Variants in DEPDC7 observed in about 807,000 individuals in gnomAD.
The protein encoded by DEPDC7 is DEP domain-containing protein 7.
A neutral mutation model predicts 56.6 loss-of-function variants in DEPDC7; 41 were observed. The observed-to-expected ratio is 0.72, with a 90% CI of 0.56 to 0.94. DEPDC7 has a LOEUF of 0.94. DEPDC7 is among the 40% of genes least tolerant of loss of function. The pLI is 0.00. For synonymous variants in DEPDC7, 185 were observed against 208.8 expected (o/e 0.89, Z 0.98); for missense variants, 522 against 596.3 (o/e 0.88, Z 1.30).
In DEPDC7 at chr11:33,028,606, T is replaced by C. The variant is rs144655252; in HGVS notation, c.596T>C (p.Ile199Thr). Reference protein sequence around the residue: ...NISATLSPQVINEVWQEETIG... With the variant: ...NISATLSPQVTNEVWQEETIG... ...CCTTGTCATTTTTCCTGTGTAGTTA[T>C]TAATGAAGTGTGGCAAGAAGAAACA... The change falls in exon 4 of 9, where the codon ATT becomes ACT. Residue 199 changes from isoleucine to threonine, a missense_variant. By Grantham distance (89) the Ile-to-Thr change is moderately conservative. Coordinates refer to ENST00000241051, the MANE Select transcript of DEPDC7 (RefSeq NM_001077242.2). 16 of 1,591,584 alleles carry C rather than the reference T, an allele frequency of 1.0e-5. No individual in the cohort carries two copies. The Admixed American group carries it at 1.9e-4, about 19-fold the overall frequency.
Position 33,032,758 on chromosome 11 carries a change from C to T in DEPDC7, c.1228C>T (p.Leu410Phe), listed in dbSNP as rs1853646778. 1 of 1,606,016 alleles carries T rather than the reference C, an allele frequency of 6.2e-7. No homozygotes were observed. The highest frequency in any genetic ancestry group is 1.7e-5 in the Admixed American group (1 of 58,242). ...LSKGKTDLLV[L>F]FLMDHQKDVF... ...CAAAGGCAAAACAGATCTTCTGGTA[C>T]TCTTTTTAATGGATCATCAGAAAGA... Residue 410 changes from leucine to phenylalanine, a missense_variant, in exon 7 of 9, where the codon CTC becomes TTC. By Grantham distance (22) the Leu-to-Phe change is conservative. Coordinates refer to ENST00000241051, the MANE Select transcript of DEPDC7 (RefSeq NM_001077242.2).
In DEPDC7 at chr11:33,033,424, C is replaced by T; in HGVS notation, c.1505C>T (p.Pro502Leu). The T allele has an allele frequency of 2.5e-6, 4 of 1,598,398 alleles. No homozygotes were observed. The highest frequency in any genetic ancestry group is 3.4e-6 in the Non-Finnish European group (4 of 1,175,732). Reference sequence around the variant, plus strand: ...CTAGGTCAATTCTATAAGTGTCACCCAGACATCTTTATTGAGCATTTTGGA... The same window carrying T: ...CTAGGTCAATTCTATAAGTGTCACCTAGACATCTTTATTGAGCATTTTGGA... ...KLLGQFYKCH[P>L]DIFIEHFGD The change falls in exon 9 of 9, where the codon CCA becomes CTA. Residue 502 changes from proline to leucine, a missense_variant. Coordinates refer to ENST00000241051, the MANE Select transcript of DEPDC7 (RefSeq NM_001077242.2).
In DEPDC7 at chr11:33,028,713, C is replaced by T; in HGVS notation, c.703C>T (p.Gln235Ter). 1 of 1,614,012 alleles carries T rather than the reference C, an allele frequency of 6.2e-7. No homozygotes were observed. Among genetic ancestry groups the T allele is most frequent in the Non-Finnish European group, 8.5e-7 (1 of 1,179,986 alleles). The change falls in exon 4 of 9, where the codon CAA becomes TAA. Residue 235 changes from glutamine to a stop codon, truncating the protein, a stop_gained. Transcript: ENST00000241051. LOFTEE classifies it high-confidence loss of function. ...KQQEAVPKIPQPKRQSTMVNS... is the reference protein window; with the variant it reads ...KQQEAVPKIP ...GCAAGAGGCTGTACCTAAAATTCCT[C>T]AACCTAAGAGGCAGTCCACCATGGT...
intron 4 of DEPDC7, among the ~76,000 whole-genome samples, chr11:33,030,877 C>T (rs1400831183): frequency 6.6e-6 from 1 of 152,164 alleles, no homozygotes; most frequent in African/African-American, 2.4e-5. Flanking sequence ...AGCCACCGCA[C>T]CAGGCCTGAT....
chr11:33,032,817 T>C (rs1853647347), intron 7 of DEPDC7, 24 bp downstream of exon 7: 1 of 1,593,986 alleles, frequency 6.3e-7, no homozygotes, highest in Non-Finnish European at 8.5e-7. Context: ...AGTAGTTAAA[T>C]TGAGCTTATG....
At chr11:33,018,738 A>T (rs915682318) in intron 1 of DEPDC7, among the ~76,000 whole-genome samples, 2 of 152,158 alleles carry the variant, frequency 1.3e-5, no homozygotes, top group Admixed American at 6.6e-5. Context: ...TGATACATAT[A>T]ATTATTAACT....
intron 1 of DEPDC7, among the ~76,000 whole-genome samples, chr11:33,018,207 G>A (rs1211176274): frequency 6.6e-6 from 1 of 152,072 alleles, no homozygotes; most frequent in African/African-American, 2.4e-5. Context: ...TTGTAATCTT[G>A]GGATCATAGT....
rs1214839799 is a variant in DEPDC7, at chr11:33,016,064, GGCGGGCTGGGGTGC to G, written c.73+47_73+60del. On this transcript the variant is annotated intron_variant, in intron 1 of 8. Coordinates refer to ENST00000241051, the MANE Select transcript of DEPDC7 (RefSeq NM_001077242.2). Reference sequence around the variant, plus strand: ...AGGACTGCCGCCTGGGATGGCGCGGGGCGGGCTGGGGTGCGCGGGCTGGGTCCCGGCGCGGGGCG... The same window carrying G: ...AGGACTGCCGCCTGGGATGGCGCGGGGCGGGCTGGGTCCCGGCGCGGGGCG... 7.8e-6 allele frequency: 11 copies of G among 1,409,770 alleles called. No homozygotes were observed. The South Asian group carries it at 1.1e-4, about 14-fold the overall frequency. 87.3% of individuals were successfully genotyped at this position (1,409,770 alleles called of 1,614,324 possible). A position where few individuals can be genotyped will look rare whatever the true frequency, so the allele number is the denominator to read the frequency against.
Position 33,032,306 on chromosome 11 carries a change from T to C in DEPDC7, c.995-30T>C, listed in dbSNP as rs1853640438. 4 of 1,549,016 alleles carry C rather than the reference T, an allele frequency of 2.6e-6. No homozygotes were observed. In the South Asian group the frequency reaches 5.0e-5, roughly 19 times the overall value. ...CTTTAATATAGTCATATTTGGTCAA[T>C]TAAAAGCAGTTTTTTTCTTTTGGCT... On this transcript the variant is annotated intron_variant, in intron 5 of 8. Coordinates refer to ENST00000241051, the MANE Select transcript of DEPDC7 (RefSeq NM_001077242.2).
At chr11:33,029,418 G>A (rs569515927) in intron 4 of DEPDC7, among the ~76,000 whole-genome samples, 2 of 150,104 alleles carry the variant, frequency 1.3e-5, no homozygotes, top group South Asian at 4.3e-4. Context: ...CTTGAACTTG[G>A]GAGGCAGAGG....
At chr11:33,026,883 C>T (rs1285693672) in intron 2 of DEPDC7, among the ~76,000 whole-genome samples, 2 of 152,096 alleles carry the variant, frequency 1.3e-5, no homozygotes, top group African/African-American at 4.8e-5. Context: ...CCATCTTGTG[C>T]TCCTAAAGTG....
intron 3 of DEPDC7, chr11:33,028,317 CAG>C (rs1162096710): frequency 7.1e-6 from 2 of 279,806 alleles, no homozygotes; most frequent in Non-Finnish European, 1.3e-5. Context: ...TTCTTTCTTC[CAG>C]AGTCCTTATT....
Position 33,033,413 on chromosome 11 carries a change from T to C in DEPDC7, c.1494T>C (p.Tyr498=). Residue 498 remains tyrosine (Y), a synonymous_variant, in exon 9 of 9, where the codon TAT becomes TAC. Coordinates refer to ENST00000241051, the MANE Select transcript of DEPDC7 (RefSeq NM_001077242.2). ...KEKKKLLGQF[Y]KCHPDIFIEH... ...AGAAAAAATTGCTAGGTCAATTCTA[T>C]AAGTGTCACCCAGACATCTTTATTG... 1 of 1,608,182 alleles carries C rather than the reference T, an allele frequency of 6.2e-7. No homozygotes were observed. Among genetic ancestry groups the C allele is most frequent in the Non-Finnish European group, 8.5e-7 (1 of 1,178,344 alleles).
At chr11:33,016,141 G>T in intron 1 of DEPDC7, 113 bp downstream of exon 1, 1 of 1,235,102 alleles carries the variant, frequency 8.1e-7, no homozygotes, top group East Asian at 3.4e-5. Flanking sequence ...GCCTGTCAAC[G>T]GCCGGCTGGG....
In DEPDC7 at chr11:33,016,040, G is replaced by A. The variant is rs1289785166; in HGVS notation, c.73+12G>A. The A allele has an allele frequency of 6.7e-7, 1 of 1,494,164 alleles. No homozygotes were observed. Among genetic ancestry groups the A allele is most frequent in the Admixed American group, 2.2e-5 (1 of 45,070 alleles). The allele number at this position is 1,494,164 out of a possible 1,614,324, so 92.6% of individuals were successfully genotyped here. A position where few individuals can be genotyped will look rare whatever the true frequency, so the allele number is the denominator to read the frequency against. On this transcript the variant is annotated intron_variant, in intron 1 of 8. Coordinates refer to ENST00000241051, the MANE Select transcript of DEPDC7 (RefSeq NM_001077242.2). Reference sequence around the variant, plus strand: ...GCACAGGCCTCCGGGTAGGTGCCGAGGACTGCCGCCTGGGATGGCGCGGGG... The same window carrying A: ...GCACAGGCCTCCGGGTAGGTGCCGAAGACTGCCGCCTGGGATGGCGCGGGG...
chr11:33,020,946 C>T (rs1274489281), intron 1 of DEPDC7, among the ~76,000 whole-genome samples: 1 of 152,170 alleles, frequency 6.6e-6, no homozygotes. Flanking sequence ...TGTTATGATG[C>T]TTTTAGAAAA....
chr11:33,017,377 A>G (rs1853475257), intron 1 of DEPDC7, among the ~76,000 whole-genome samples: 1 of 152,200 alleles, frequency 6.6e-6, no homozygotes, highest in East Asian at 1.9e-4. Flanking sequence ...TTTCTCTAAT[A>G]GCTGAAATAC....
intron 4 of DEPDC7, 33 bp downstream of exon 4, chr11:33,028,825 GTTTGTAGGT>G: frequency 6.6e-7 from 1 of 1,503,812 alleles, no homozygotes. Flanking sequence ...ATTTGAGTGT[GTTTGTAGGT>G]AGATTGAGAT....
At chr11:33,025,101 C>T (rs1331739895) in intron 1 of DEPDC7, among the ~76,000 whole-genome samples, 1 of 152,124 alleles carries the variant, frequency 6.6e-6, no homozygotes, top group Non-Finnish European at 1.5e-5. Context: ...CAAACTCCAG[C>T]CCCTCTCCCT....
Sources: allele counts gnomAD v4.1 joint callset (sites outside exome capture counted in the v4.1 genomes callset), GRCh38; gene constraint gnomAD v4.1.1; transcripts MANE v1.5; gene names NCBI Gene and HGNC (gene_info 2026-07-23, HGNC 2026-07-21).